FSTL5: variants seen among roughly 807,000 people sequenced by gnomAD.
The protein encoded by FSTL5 is follistatin like 5, also known as follistatin-related protein 5.
Under a neutral mutation model 89.1 loss-of-function variants are expected in FSTL5, and 62 were observed. The ratio of observed to expected loss-of-function variants is 0.70; its 90% CI spans 0.57 to 0.86. The LOEUF is 0.86. FSTL5 is among the 40% of genes least tolerant of loss of function. The pLI is 0.00. For synonymous variants in FSTL5, 383 were observed against 346.2 expected, an observed-to-expected ratio of 1.11 and a Z score of -1.18; for missense variants, 1,057 against 1,001.6, an observed-to-expected ratio of 1.06 and a Z score of -0.75.
chr4:161,430,296 T>G (rs1322066777), intron 15 of FSTL5, among the ~76,000 whole-genome samples: 1 of 151,424 alleles, frequency 6.6e-6, no homozygotes, highest in Non-Finnish European at 1.5e-5. Flanking sequence ...AAAGAGTAGG[T>G]AGAGAGAGAG....
At chr4:162,056,891 T>C (rs1738562507) in intron 2 of FSTL5, among the ~76,000 whole-genome samples, 2 of 152,200 alleles carry the variant, frequency 1.3e-5, no homozygotes, top group Non-Finnish European at 1.5e-5. Context: ...AGGAAGTATA[T>C]ATAAATGCCA....
At chr4:161,921,175 A>G (rs1407773119) in intron 3 of FSTL5, among the ~76,000 whole-genome samples, 1 of 152,180 alleles carries the variant, frequency 6.6e-6, no homozygotes, top group Non-Finnish European at 1.5e-5. Flanking sequence ...ATGTATGCAT[A>G]CAAGGCAGAA....
chr4:162,064,177 A>C (rs2111289838), intron 2 of FSTL5, among the ~76,000 whole-genome samples: 1 of 152,024 alleles, frequency 6.6e-6, no homozygotes, highest in African/African-American at 2.4e-5. Flanking sequence ...CATCCTTAAA[A>C]CCATTTGTTA....
At chr4:161,684,326 CT>C in intron 6 of FSTL5, among the ~76,000 whole-genome samples, 1 of 152,212 alleles carries the variant, frequency 6.6e-6, no homozygotes, top group South Asian at 2.1e-4. Flanking sequence ...GGTAGTTCTA[CT>C]TTTAGATCTT....
At chr4:161,825,976 T>A (rs893809474) in intron 4 of FSTL5, among the ~76,000 whole-genome samples, 1 of 152,134 alleles carries the variant, frequency 6.6e-6, no homozygotes, top group Non-Finnish European at 1.5e-5. Context: ...CTTTAGATTG[T>A]CTATTTGTGC....
intron 15 of FSTL5, among the ~76,000 whole-genome samples, chr4:161,424,588 T>A (rs1194382461): frequency 6.6e-6 from 1 of 152,134 alleles, no homozygotes; most frequent in Non-Finnish European, 1.5e-5. Flanking sequence ...TTTTTATATT[T>A]TTTTCTAAAG....
chr4:161,509,225 C>G (rs1488811366), intron 11 of FSTL5, among the ~76,000 whole-genome samples: 1 of 152,100 alleles, frequency 6.6e-6, no homozygotes, highest in African/African-American at 2.4e-5. Context: ...ATTGCTTGAA[C>G]CCGAGAGGTG....
intron 1 of FSTL5, among the ~76,000 whole-genome samples, chr4:162,140,921 T>C (rs1732706083): frequency 6.6e-6 from 1 of 152,062 alleles, no homozygotes; most frequent in Non-Finnish European, 1.5e-5. Flanking sequence ...TCTTCAAATC[T>C]GAGATTGAAA....
At chr4:161,473,314 T>C (rs1245396547) in intron 13 of FSTL5, among the ~76,000 whole-genome samples, 1 of 152,214 alleles carries the variant, frequency 6.6e-6, no homozygotes, top group Non-Finnish European at 1.5e-5. Flanking sequence ...CTTCATATGT[T>C]TTGATGATTT....
chr4:161,567,427 T>C (rs73859599), intron 8 of FSTL5, among the ~76,000 whole-genome samples: 2,018 of 152,242 alleles, frequency 0.013, 40 homozygotes, highest in African/African-American at 0.045. Flanking sequence ...TTAACCTTCT[T>C]TCCACTCTCT....
chr4:162,130,704 A>G (rs1267915061), intron 1 of FSTL5, among the ~76,000 whole-genome samples: 3 of 150,506 alleles, frequency 2.0e-5, no homozygotes, highest in Non-Finnish European at 3.0e-5. Context: ...CATAGCTTAT[A>G]TGAATAATTA....
intron 12 of FSTL5, among the ~76,000 whole-genome samples, chr4:161,488,895 C>A (rs1373046701): frequency 1.3e-5 from 2 of 152,014 alleles, no homozygotes; most frequent in Non-Finnish European, 2.9e-5. Flanking sequence ...GCATATAGGG[C>A]AAGGAGAATT....
At chr4:161,907,993 A>C (rs1165590877) in intron 4 of FSTL5, among the ~76,000 whole-genome samples, 5 of 152,110 alleles carry the variant, frequency 3.3e-5, no homozygotes, top group Non-Finnish European at 7.4e-5. Flanking sequence ...ATGATTAGAT[A>C]TAATATGGTA....
chr4:161,524,672 T>C (rs1016351605), intron 10 of FSTL5, among the ~76,000 whole-genome samples: 1 of 152,178 alleles, frequency 6.6e-6, no homozygotes, highest in Non-Finnish European at 1.5e-5. Flanking sequence ...GTATTAATAT[T>C]CGCTGGCCTG....
intron 7 of FSTL5, among the ~76,000 whole-genome samples, chr4:161,633,414 G>A (rs10002423): frequency 4.8e-4 from 73 of 151,170 alleles, no homozygotes; most frequent in Middle Eastern, 3.4e-3. Flanking sequence ...TGGCGCGATC[G>A]CGGCTCACTG....
intron 6 of FSTL5, among the ~76,000 whole-genome samples, chr4:161,681,225 C>T (rs1737507421): frequency 6.6e-6 from 1 of 152,050 alleles, no homozygotes; most frequent in South Asian, 2.1e-4. Context: ...TGAAAACAGA[C>T]ATCTTAGATC....
chr4:161,703,500 C>A (rs1738472509), intron 6 of FSTL5, among the ~76,000 whole-genome samples: 1 of 152,074 alleles, frequency 6.6e-6, no homozygotes, highest in South Asian at 2.1e-4. Context: ...CAGGTAAATC[C>A]TCTTGAAGCA....
intron 2 of FSTL5, among the ~76,000 whole-genome samples, chr4:162,034,461 G>A (rs6536633): frequency 0.021 from 3,124 of 152,160 alleles, 144 homozygotes; most frequent in East Asian, 0.19. Context: ...GGCTAAAGTT[G>A]ACAACAATTC....
intron 4 of FSTL5, among the ~76,000 whole-genome samples, chr4:161,799,836 T>A (rs1225204639): frequency 1.3e-5 from 2 of 151,638 alleles, no homozygotes; most frequent in Non-Finnish European, 3.0e-5. Flanking sequence ...TAAACTACAG[T>A]CTGTGTATTT....
Sources: allele counts gnomAD v4.1 joint callset (sites outside exome capture counted in the v4.1 genomes callset), GRCh38; gene constraint gnomAD v4.1.1; transcripts MANE v1.5; gene names NCBI Gene and HGNC (gene_info 2026-07-23, HGNC 2026-07-21).